Variants in NKTR observed in about 807,000 individuals in gnomAD.
The protein encoded by NKTR is NK-tumor recognition protein.
In NKTR, 67 loss-of-function variants were observed where a neutral mutation model predicts 156.3. The observed-to-expected ratio is 0.43, with a 90% CI of 0.35 to 0.53. The LOEUF is 0.53. Ranked by LOEUF, NKTR falls within the 20% of genes least tolerant of loss-of-function variation. The pLI is 0.01. For synonymous variants in NKTR, 640 were observed against 596.6 expected, an observed-to-expected ratio of 1.07 and a Z score of -1.06; for missense variants, 1,604 against 1,730.9, an observed-to-expected ratio of 0.93 and a Z score of 1.30.
intron 9 of NKTR, chr3:42,633,045 ACT>A: frequency 8.2e-7 from 1 of 1,221,898 alleles, no homozygotes; most frequent in Non-Finnish European, 1.0e-6. Context: ...AGTCCTAAGA[ACT>A]CTTTTTTTAA....
intron 1 of NKTR, 92 bp from the exon 2 acceptor site, chr3:42,600,892 T>C: frequency 1.3e-6 from 1 of 746,888 alleles, no homozygotes; most frequent in Non-Finnish European, 1.9e-6. Context: ...TGAGGCACCG[T>C]GGCGCGGACT....
chr3:42,635,092 T>G, intron 11 of NKTR, 129 bp from the exon 12 acceptor site: 1 of 456,208 alleles, frequency 2.2e-6, no homozygotes, highest in Non-Finnish European at 3.9e-6. Flanking sequence ...CTTTAGACCA[T>G]CCTTTTGGTA....
chr3:42,620,121 G>C, intron 5 of NKTR: 1 of 1,488,866 alleles, frequency 6.7e-7, no homozygotes, highest in African/African-American at 1.4e-5. Context: ...TGGACAGTCT[G>C]GGTCAGGTTG....
chr3:42,644,010 C>G lies in NKTR; in HGVS notation c.4301+7C>G, dbSNP rs1710143021. On this transcript the variant is annotated splice_region_variant and intron_variant, in intron 16 of 16. Transcript: ENST00000232978. ...GTTATAATCGGCGGTCCAGGTGGGT[C>G]TCTCTCCTTTATCGTCCTTTATCGC... The G allele has an allele frequency of 1.9e-6, 3 of 1,606,250 alleles. No individual in the cohort carries two copies. The highest frequency in any genetic ancestry group is 2.6e-6 in the Non-Finnish European group (3 of 1,173,612).
rs759095680 is a variant in NKTR, at chr3:42,645,998, T to C, written c.*23T>C. ...TGAAAACGTCCGGATACAAATTATA[T>C]CTTATTTGTAAATATCTGGCAACTT... is the stretch of plus-strand genomic sequence containing the variant. On this transcript the variant is annotated 3_prime_UTR_variant, in exon 17 of 17. Transcript: ENST00000232978. 6.4e-6 allele frequency: 10 copies of C among 1,557,044 alleles called. No homozygotes were observed. In the South Asian group the frequency reaches 1.0e-4, roughly 16 times the overall value.
At chr3:42,611,749 AT>A (rs1376196503) in intron 2 of NKTR, among the ~76,000 whole-genome samples, 36 of 151,178 alleles carry the variant, frequency 2.4e-4, no homozygotes, top group African/African-American at 6.8e-4. Context: ...AAAAAAAAAA[AT>A]GTATGCCTAA....
At chr3:42,603,645 T>C (rs1235824967) in intron 2 of NKTR, among the ~76,000 whole-genome samples, 2 of 152,044 alleles carry the variant, frequency 1.3e-5, no homozygotes, top group Non-Finnish European at 1.5e-5. Context: ...GTTTAATCAT[T>C]TGATAGTTGG....
chr3:42,606,575 T>C (rs1268122822), intron 2 of NKTR, among the ~76,000 whole-genome samples: 1 of 152,240 alleles, frequency 6.6e-6, no homozygotes, highest in Admixed American at 6.5e-5. Flanking sequence ...TTTCACTCCC[T>C]ATGTATGTAT....
Position 42,638,833 on chromosome 3 carries a change from A to T in NKTR, c.3129A>T (p.Lys1043Asn), listed in dbSNP as rs556698395. ...KQVTQESKEK[K>N]VSENNETIKD... Reference sequence around the variant, plus strand: ...TTACTCAGGAATCAAAAGAGAAAAAAGTTTCTGAAAACAATGAAACCATAA... The same window carrying T: ...TTACTCAGGAATCAAAAGAGAAAAATGTTTCTGAAAACAATGAAACCATAA... The change falls in exon 13 of 17, where the codon AAA becomes AAT. Residue 1043 changes from lysine to asparagine, a missense_variant. Lys to Asn is a moderately conservative substitution (Grantham distance 94, BLOSUM62 0). Coordinates refer to ENST00000232978, the MANE Select transcript of NKTR (RefSeq NM_005385.4). 6 of 1,602,312 alleles carry T rather than the reference A, an allele frequency of 3.7e-6. No homozygotes were observed. The highest frequency in any genetic ancestry group is 4.5e-5 in the East Asian group (2 of 44,860).
intron 16 of NKTR, among the ~76,000 whole-genome samples, chr3:42,644,942 C>T (rs1057244841): frequency 1.3e-5 from 2 of 151,864 alleles, no homozygotes; most frequent in African/African-American, 4.8e-5. Context: ...CTATTCTGTC[C>T]TTGAACCCCA....
intron 7 of NKTR, chr3:42,630,776 C>T (rs930930877): frequency 1.4e-6 from 2 of 1,380,696 alleles, no homozygotes; most frequent in East Asian, 2.7e-5. Context: ...AATCTGTGCT[C>T]ATGGATGGGC....
chr3:42,625,550 A>G (rs1435399051), intron 6 of NKTR, among the ~76,000 whole-genome samples: 2 of 152,138 alleles, frequency 1.3e-5, no homozygotes, highest in Non-Finnish European at 2.9e-5. Flanking sequence ...GTTGAGGAGT[A>G]GTTGGTTTTA....
chr3:42,620,111 T>G, intron 5 of NKTR: 1 of 1,519,346 alleles, frequency 6.6e-7, no homozygotes, highest in Non-Finnish European at 8.8e-7. Context: ...AATAAATTTA[T>G]GGACAGTCTG....
intron 4 of NKTR, chr3:42,619,387 A>C (rs367904219): frequency 8.4e-7 from 1 of 1,197,326 alleles, no homozygotes; most frequent in Non-Finnish European, 1.1e-6. Flanking sequence ...ATGAATGCCA[A>C]AGTACTGTCT....
chr3:42,607,270 A>G (rs79712822), intron 2 of NKTR, among the ~76,000 whole-genome samples: 4,923 of 152,242 alleles, frequency 0.032, 126 homozygotes, highest in East Asian at 0.11. Flanking sequence ...AGTTTAATAG[A>G]TACAGAAGAA....
At position 42,637,964 on chromosome 3, in the gene NKTR, C is replaced by T. The variant is rs1409315492; in HGVS notation, c.2260C>T (p.Arg754Ter). The T allele has an allele frequency of 1.9e-6, 3 of 1,613,488 alleles. No homozygotes were observed. The highest frequency in any genetic ancestry group is 2.2e-5 in the East Asian group (1 of 44,866). ...YTSISSDDGR[R>*]AKRRLRSSGK... ...TTCTATTAGCAGTGATGATGGAAGGCGAGCTAAGAGGAGACTTAGATCCAG... is the reference window on the plus strand; with the variant it reads ...TTCTATTAGCAGTGATGATGGAAGGTGAGCTAAGAGGAGACTTAGATCCAG... The change falls in exon 13 of 17, where the codon CGA (arginine) becomes TGA (stop). Residue 754 changes from arginine to a stop codon, truncating the protein, a stop_gained. Coordinates refer to ENST00000232978, the MANE Select transcript of NKTR (RefSeq NM_005385.4). LOFTEE classifies it high-confidence loss of function.
Position 42,640,434 on chromosome 3 carries a change from ATTCTTT to A in NKTR, c.4046+690_4046+695del, listed in dbSNP as rs1709786364. Among the ~76,000 whole-genome samples the A allele has an allele frequency of 4.6e-5, 7 of 152,332 alleles. No homozygotes were observed. The South Asian group carries it at 1.4e-3, about 32-fold the overall frequency. ...GGAAGTTAGTAAGCAGTTGTGTTGC[ATTCTTT>A]TTCTTGTAAATATTTTATGGTTTTA... On this transcript the variant is annotated intron_variant, in intron 13 of 16. Coordinates refer to ENST00000232978, the MANE Select transcript of NKTR (RefSeq NM_005385.4).
chr3:42,609,829 T>C (rs1028099255), intron 2 of NKTR, among the ~76,000 whole-genome samples: 1 of 151,460 alleles, frequency 6.6e-6, no homozygotes, highest in African/African-American at 2.4e-5. Context: ...TGTATTTTGT[T>C]CTACTAGTTC....
intron 2 of NKTR, among the ~76,000 whole-genome samples, chr3:42,609,875 A>G (rs927723876): frequency 3.9e-5 from 6 of 152,206 alleles, no homozygotes; most frequent in African/African-American, 1.2e-4. Context: ...CAACTTCAGT[A>G]TCTGTTGGTA....
Sources: allele counts gnomAD v4.1 joint callset (sites outside exome capture counted in the v4.1 genomes callset), GRCh38; gene constraint gnomAD v4.1.1; transcripts MANE v1.5; gene names NCBI Gene and HGNC (gene_info 2026-07-23, HGNC 2026-07-21).